DOCK3: variants seen among roughly 807,000 people sequenced by gnomAD.
DOCK3 encodes dedicator of cytokinesis protein 3.
A neutral mutation model predicts 265.6 loss-of-function variants in DOCK3; 60 were observed. That is an observed-to-expected ratio of 0.23 (90% confidence interval 0.18 to 0.28). The LOEUF (loss-of-function observed/expected upper bound fraction) is 0.28. DOCK3 is among the 10% of genes least tolerant of loss of function. DOCK3 has a pLI of 1.00. For synonymous variants in DOCK3, 881 were observed against 938.0 expected (o/e 0.94, Z 1.11); for missense variants, 1,981 against 2,594.3 (o/e 0.76, Z 5.14).
intron 5 of DOCK3, among the ~76,000 whole-genome samples, chr3:50,935,565 C>G (rs2051313117): frequency 6.6e-6 from 1 of 152,168 alleles, no homozygotes; most frequent in African/African-American, 2.4e-5. Flanking sequence ...TTGTACTCTC[C>G]CCAGCTGAGC....
chr3:51,338,558 C>G, intron 36 of DOCK3, 139 bp downstream of exon 36: 1 of 909,228 alleles, frequency 1.1e-6, no homozygotes, highest in South Asian at 1.6e-5. Context: ...TTACTGGTAT[C>G]TTAGAGGCCT....
chr3:51,257,033 A>T (rs1269094363), intron 22 of DOCK3, among the ~76,000 whole-genome samples: 1 of 152,236 alleles, frequency 6.6e-6, no homozygotes, highest in Non-Finnish European at 1.5e-5. Flanking sequence ...AGATCAGCTG[A>T]GTTGATGGCA....
intron 3 of DOCK3, among the ~76,000 whole-genome samples, chr3:50,888,435 C>T (rs184075248): frequency 2.5e-4 from 38 of 152,190 alleles, no homozygotes; most frequent in Admixed American, 2.5e-3. Context: ...GCCATACTGC[C>T]CAAGGTAATT....
chr3:51,071,328 A>G (rs1211757750), intron 6 of DOCK3, among the ~76,000 whole-genome samples: 1 of 152,174 alleles, frequency 6.6e-6, no homozygotes, highest in Non-Finnish European at 1.5e-5. Flanking sequence ...GATGGGTGAG[A>G]GAAGACCAAG....
At chr3:51,017,955 C>T (rs948529047) in intron 5 of DOCK3, among the ~76,000 whole-genome samples, 2 of 151,690 alleles carry the variant, frequency 1.3e-5, no homozygotes, top group South Asian at 2.1e-4. Context: ...TGCAGTGGCA[C>T]GATCTCGGCT....
intron 35 of DOCK3, among the ~76,000 whole-genome samples, chr3:51,336,290 A>G (rs2084866931): frequency 6.6e-6 from 1 of 151,820 alleles, no homozygotes; most frequent in South Asian, 2.1e-4. Context: ...TCTCACTGGT[A>G]GTAACTATAT....
intron 19 of DOCK3, among the ~76,000 whole-genome samples, chr3:51,230,620 G>A (rs1161016597): frequency 1.3e-5 from 2 of 152,004 alleles, no homozygotes; most frequent in Non-Finnish European, 2.9e-5. Flanking sequence ...CGGTTCAAGC[G>A]ATTCTCCTGC....
At chr3:50,866,234 C>G (rs2047136109) in intron 3 of DOCK3, among the ~76,000 whole-genome samples, 1 of 152,054 alleles carries the variant, frequency 6.6e-6, no homozygotes, top group Admixed American at 6.6e-5. Flanking sequence ...CACCTGTAAT[C>G]CCAGCACTTT....
Position 50,966,953 on chromosome 3 carries a change from A to T in DOCK3, c.315+32876A>T, listed in dbSNP as rs531734741. ...GAATTTCACCTCTTTCCTTTAAAAA[A>T]ATCTTTTTATTGATACATAGTAATT... On this transcript the variant is annotated intron_variant, in intron 5 of 52. Transcript: ENST00000266037. Among the ~76,000 whole-genome samples the T allele has an allele frequency of 3.5e-4, 54 of 152,322 alleles. No individual in the cohort carries two copies. The Middle Eastern group carries it at 0.01, about 29-fold the overall frequency.
intron 9 of DOCK3, among the ~76,000 whole-genome samples, chr3:51,107,901 T>C (rs1007788257): frequency 1.3e-5 from 2 of 152,108 alleles, no homozygotes; most frequent in African/African-American, 4.8e-5. Flanking sequence ...TTCTTCAAGG[T>C]TGAAATGAAA....
chr3:50,860,640 G>A (rs182332114), intron 3 of DOCK3, among the ~76,000 whole-genome samples: 3 of 152,288 alleles, frequency 2.0e-5, no homozygotes, highest in East Asian at 3.9e-4. Context: ...CAGATGTGCT[G>A]TGCTTGGGGT....
chr3:50,931,014 G>A (rs1250002357), intron 4 of DOCK3, among the ~76,000 whole-genome samples: 1 of 152,120 alleles, frequency 6.6e-6, no homozygotes, highest in Admixed American at 6.5e-5. Context: ...GGTCATGCCC[G>A]GCTGTGTAAG....
chr3:51,237,811 C>G (rs1347885481), intron 21 of DOCK3, among the ~76,000 whole-genome samples: 1 of 152,122 alleles, frequency 6.6e-6, no homozygotes, highest in Non-Finnish European at 1.5e-5. Flanking sequence ...ATTGTACAAC[C>G]ATCACCAGAA....
chr3:51,029,212 A>T (rs2079939451), intron 5 of DOCK3, among the ~76,000 whole-genome samples: 1 of 152,104 alleles, frequency 6.6e-6, no homozygotes, highest in Non-Finnish European at 1.5e-5. Flanking sequence ...AGGTTCATGT[A>T]GTCATTTTCT....
chr3:50,850,555 T>C (rs6446223), intron 3 of DOCK3, among the ~76,000 whole-genome samples: 145,213 of 152,198 alleles, frequency 0.95, 69,693 homozygotes, highest in Non-Finnish European at 1. Context: ...TCACTATATG[T>C]GTATTTTTCA....
intron 38 of DOCK3, among the ~76,000 whole-genome samples, chr3:51,343,178 A>G (rs574821910): frequency 3.2e-4 from 49 of 152,184 alleles, no homozygotes; most frequent in Admixed American, 8.5e-4. Flanking sequence ...GAGAAAAGCC[A>G]CCTTGGCAAC....
intron 5 of DOCK3, among the ~76,000 whole-genome samples, chr3:50,935,928 A>G (rs2051334841): frequency 6.6e-6 from 1 of 152,212 alleles, no homozygotes; most frequent in African/African-American, 2.4e-5. Flanking sequence ...GCCCAAAATT[A>G]CTTGTCATAT....
At chr3:50,698,455 C>G (rs182562393) in intron 1 of DOCK3, among the ~76,000 whole-genome samples, 2 of 130,852 alleles carry the variant, frequency 1.5e-5, no homozygotes, top group African/African-American at 5.6e-5. Flanking sequence ...CATTTTTCAT[C>G]GTTATGAATA....
At chr3:51,348,062 G>A (rs1049078776) in intron 38 of DOCK3, among the ~76,000 whole-genome samples, 3 of 152,104 alleles carry the variant, frequency 2.0e-5, no homozygotes, top group African/African-American at 4.8e-5. Flanking sequence ...GGTTTTCTAA[G>A]TATACAATCA....
Sources: allele counts gnomAD v4.1 joint callset (sites outside exome capture counted in the v4.1 genomes callset), GRCh38; gene constraint gnomAD v4.1.1; transcripts MANE v1.5; gene names NCBI Gene and HGNC (gene_info 2026-07-23, HGNC 2026-07-21).